Variants in CYRIB observed in about 807,000 individuals in gnomAD.
CYRIB encodes CYFIP-related Rac1 interactor B.
Under a neutral mutation model 44.2 loss-of-function variants are expected in CYRIB, and 8 were observed. The observed-to-expected ratio is 0.18, with a 90% CI of 0.11 to 0.33. CYRIB has a LOEUF of 0.33. Among genes scored for constraint, CYRIB ranks in the 10% least tolerant of loss-of-function variants. CYRIB has a pLI of 1.00. For synonymous variants in CYRIB, 131 were observed against 127.2 expected, an observed-to-expected ratio of 1.03 and a Z score of -0.20; for missense variants, 185 against 382.8, an observed-to-expected ratio of 0.48 and a Z score of 4.31.
chr8:130,008,383 A>G, intron 1 of CYRIB: 1 of 154,306 alleles, frequency 6.5e-6, no homozygotes, highest in Middle Eastern at 5.2e-4. Flanking sequence ...AACCCCTCAG[A>G]AAAGCTTATC....
At chr8:129,959,438 A>G (rs1441494254) in intron 2 of CYRIB, among the ~76,000 whole-genome samples, 1 of 152,112 alleles carries the variant, frequency 6.6e-6, no homozygotes, top group East Asian at 1.9e-4. Context: ...CTAGCATTCA[A>G]TTAAGACTAG....
chr8:129,999,482 C>T (rs2096859524), intron 1 of CYRIB, among the ~76,000 whole-genome samples: 1 of 152,250 alleles, frequency 6.6e-6, no homozygotes, highest in Non-Finnish European at 1.5e-5. Flanking sequence ...ATGCAATTGA[C>T]ACCCTCAGGT....
intron 1 of CYRIB, among the ~76,000 whole-genome samples, chr8:130,006,594 T>TTA: frequency 0.022 from 332 of 15,294 alleles, 56 homozygotes; most frequent in African/African-American, 0.13. Context: ...AAAACACAAA[T>TTA]TATATATATA....
intron 1 of CYRIB, among the ~76,000 whole-genome samples, chr8:129,923,940 C>CCT (rs2085538444): frequency 6.7e-6 from 1 of 149,434 alleles, no homozygotes; most frequent in Non-Finnish European, 1.5e-5. Flanking sequence ...GGTGATGTTA[C>CCT]CTTTTTACAA....
intron 1 of CYRIB, among the ~76,000 whole-genome samples, chr8:129,992,867 C>T (rs2133427940): frequency 6.6e-6 from 1 of 152,330 alleles, no homozygotes; most frequent in South Asian, 2.1e-4. Context: ...CTGGCGACAG[C>T]TGCTGTGACT....
At chr8:129,945,185 T>C (rs1024559757) in intron 2 of CYRIB, among the ~76,000 whole-genome samples, 2 of 152,236 alleles carry the variant, frequency 1.3e-5, no homozygotes, top group Non-Finnish European at 2.9e-5. Context: ...CTGTCATCCA[T>C]GGGGAGCCTG....
intron 11 of CYRIB, among the ~76,000 whole-genome samples, chr8:129,842,557 A>T (rs2777698): frequency 6.6e-6 from 1 of 152,216 alleles, no homozygotes; most frequent in East Asian, 1.9e-4. Flanking sequence ...CAATCCACCA[A>T]TTTTTTTGTG....
chr8:129,864,517 A>T (rs562534380), intron 4 of CYRIB: 1 of 163,644 alleles, frequency 6.1e-6, no homozygotes, highest in Admixed American at 6.0e-5. Flanking sequence ...ATGGAGGAAG[A>T]AGTAGTTTGA....
At chr8:129,851,003 T>G (rs966957336) in intron 8 of CYRIB, 89 bp from the exon 11 acceptor site, 5 of 839,522 alleles carry the variant, frequency 6.0e-6, no homozygotes, top group African/African-American at 3.4e-5. Context: ...TATGAAAAAT[T>G]AGCAACTTTA....
intron 2 of CYRIB, among the ~76,000 whole-genome samples, chr8:129,954,137 T>C (rs2094655811): frequency 6.6e-6 from 1 of 152,196 alleles, no homozygotes; most frequent in Non-Finnish European, 1.5e-5. Context: ...GGGAGAATGT[T>C]ACCTTGCCCA....
intron 1 of CYRIB, among the ~76,000 whole-genome samples, chr8:129,925,955 T>C (rs1466464372): frequency 6.6e-6 from 1 of 152,202 alleles, no homozygotes; most frequent in African/African-American, 2.4e-5. Context: ...TGTCAAAAAC[T>C]CTTTTCCAAC....
intron 9 of CYRIB, chr8:129,850,131 C>T (rs1180219601): frequency 6.6e-6 from 1 of 152,204 alleles, no homozygotes; most frequent in African/African-American, 2.4e-5. Context: ...ATGATAGTTG[C>T]CCTCCTATTT....
At chr8:129,980,678 G>GA (rs889119970) in intron 1 of CYRIB, among the ~76,000 whole-genome samples, 32 of 144,528 alleles carry the variant, frequency 2.2e-4, no homozygotes, top group South Asian at 1.3e-3. Context: ...AAAAGAAAAA[G>GA]AAAAAAAAAA....
chr8:129,900,755 T>C (rs1299264075), intron 2 of CYRIB, among the ~76,000 whole-genome samples: 6 of 151,836 alleles, frequency 4.0e-5, no homozygotes, highest in African/African-American at 1.2e-4. Context: ...TCTAAGCTCA[T>C]GGCAACCTCC....
intron 2 of CYRIB, among the ~76,000 whole-genome samples, chr8:129,945,184 A>G (rs764468133): frequency 2.0e-5 from 3 of 152,268 alleles, no homozygotes; most frequent in Admixed American, 6.5e-5. Flanking sequence ...CCTGTCATCC[A>G]TGGGGAGCCT....
chr8:129,936,704 C>CTTTT (rs397893033), intron 1 of CYRIB, among the ~76,000 whole-genome samples: 2 of 118,240 alleles, frequency 1.7e-5, no homozygotes, highest in East Asian at 2.6e-4. Context: ...ATATAGCAGT[C>CTTTT]TTTTTTTTTT....
At chr8:129,853,504 C>T (rs1388673968) in intron 7 of CYRIB, among the ~76,000 whole-genome samples, 1 of 152,158 alleles carries the variant, frequency 6.6e-6, no homozygotes. Flanking sequence ...TTACTCCTTA[C>T]ATAGTTACAG....
At chr8:130,016,509 G>GGCAGCAGCAGCAGCA (rs543173556), upstream of CYRIB, 1 of 157,958 alleles carries the variant, frequency 6.3e-6, no homozygotes. Flanking sequence ...CCGCCGCGGC[G>GGCAGCAGCAGCAGCA]GCAGCAGCAG....
intron 6 of CYRIB, among the ~76,000 whole-genome samples, chr8:129,854,912 T>C (rs1020633139): frequency 6.6e-6 from 1 of 152,096 alleles, no homozygotes; most frequent in Non-Finnish European, 1.5e-5. Flanking sequence ...TTCATTCTTT[T>C]TAACAACAAG....
Sources: allele counts gnomAD v4.1 joint callset (sites outside exome capture counted in the v4.1 genomes callset), GRCh38; gene constraint gnomAD v4.1.1; transcripts MANE v1.5; gene names NCBI Gene and HGNC (gene_info 2026-07-23, HGNC 2026-07-21).